CREBBP: variants seen among roughly 807,000 people sequenced by gnomAD.
The protein encoded by CREBBP is CREB binding lysine acetyltransferase, also known as CREB-binding protein.
Under a neutral mutation model 265.0 loss-of-function variants are expected in CREBBP, and 19 were observed. The observed-to-expected ratio is 0.07, with a 90% CI of 0.05 to 0.11. CREBBP has a LOEUF of 0.11. CREBBP is among the 10% of genes least tolerant of loss of function. CREBBP has a pLI of 1.00. For missense variants in CREBBP, 2,525 were observed against 3,219.0 expected (o/e 0.78, Z 5.22); for synonymous variants, 1,457 against 1,223.7 (o/e 1.19, Z -3.98).
intron 2 of CREBBP, among the ~76,000 whole-genome samples, chr16:3,827,092 C>G (rs2054251857): frequency 6.6e-6 from 1 of 151,846 alleles, no homozygotes; most frequent in Non-Finnish European, 1.5e-5. Context: ...GAATTCAAGG[C>G]TGTAGTACAC....
chr16:3,829,556 C>T (rs939115747), intron 2 of CREBBP, among the ~76,000 whole-genome samples: 1 of 152,148 alleles, frequency 6.6e-6, no homozygotes, highest in African/African-American at 2.4e-5. Context: ...GTCGGAGTTT[C>T]AAGATCTTGC....
Position 3,850,397 on chromosome 16 carries a change from C to T in CREBBP, c.698G>A (p.Gly233Asp), listed in dbSNP as rs1227837733. The T allele has an allele frequency of 6.2e-7, 1 of 1,614,136 alleles. No individual in the cohort carries two copies. The highest frequency in any genetic ancestry group is 1.3e-5 in the African/African-American group (1 of 74,950). The change falls in exon 2 of 31, where the codon GGC becomes GAC. Residue 233 changes from glycine (G) to aspartate (D), a missense_variant. This residue lies in a region of CREBBP where 356 missense variants were observed against 340.4 expected (regional missense o/e 1.05). Coordinates refer to ENST00000262367, the MANE Select transcript of CREBBP (RefSeq NM_004380.3). ...GMPYPTPAMQ[G>D]ASSSVLAETL... ...CTCAGCCAGCACGCTGCTCGAGGCG[C>T]CCTGCATGGCTGGAGTAGGGTACGG...
chr16:3,865,799 C>T (rs1005269723), intron 1 of CREBBP, among the ~76,000 whole-genome samples: 8 of 152,074 alleles, frequency 5.3e-5, no homozygotes, highest in Admixed American at 2.0e-4. Flanking sequence ...CCATCACACC[C>T]GGCTAATTTT....
At chr16:3,841,139 T>C (rs902568630) in intron 2 of CREBBP, 12 of 153,090 alleles carry the variant, frequency 7.8e-5, no homozygotes, top group African/African-American at 2.4e-4. Flanking sequence ...ATTTTTCTTG[T>C]ATCTTTTCCT....
At chr16:3,813,213 A>T (rs987643366) in intron 2 of CREBBP, 1 of 228,090 alleles carries the variant, frequency 4.4e-6, no homozygotes, top group Non-Finnish European at 8.7e-6. Flanking sequence ...TTCCCCATGT[A>T]GTCCTCCTAG....
intron 2 of CREBBP, among the ~76,000 whole-genome samples, chr16:3,813,311 C>T (rs1228714889): frequency 6.6e-6 from 1 of 152,218 alleles, no homozygotes; most frequent in Non-Finnish European, 1.5e-5. Context: ...AATTCTTCTG[C>T]AAGTCCACAA....
chr16:3,826,260 A>G (rs2054234861), intron 2 of CREBBP, among the ~76,000 whole-genome samples: 1 of 152,310 alleles, frequency 6.6e-6, no homozygotes, highest in East Asian at 1.9e-4. Flanking sequence ...AGACACTTTC[A>G]TTTATCCTGT....
At chr16:3,828,815 T>C (rs1859104112) in intron 2 of CREBBP, among the ~76,000 whole-genome samples, 1 of 152,216 alleles carries the variant, frequency 6.6e-6, no homozygotes, top group Admixed American at 6.5e-5. Context: ...TGGTTCAGAA[T>C]ATTTTACTCC....
rs1350482416 is a variant in CREBBP, at chr16:3,745,325, T to C, written c.3866A>G (p.Lys1289Arg). The C allele has an allele frequency of 6.2e-7, 1 of 1,614,102 alleles. No homozygotes were observed. The highest frequency in any genetic ancestry group is 8.5e-7 in the Non-Finnish European group (1 of 1,179,994). ...GTGCAGAACGCAAATCTGATGCATC[T>C]TCCGGCCACACTCCTTGCAATCAAC... ...PFVDCKECGR[K>R]MHQICVLHYD... is the part of the protein sequence containing the mutation. The change falls in exon 22 of 31, where the codon AAG becomes AGG. Residue 1289 changes from lysine to arginine, a missense_variant. Physicochemically the swap from Lys to Arg is conservative, Grantham distance 26. Transcript: ENST00000262367.
intron 16 of CREBBP, among the ~76,000 whole-genome samples, chr16:3,760,223 C>G (rs764303305): frequency 6.8e-4 from 104 of 151,968 alleles, no homozygotes; most frequent in African/African-American, 2.2e-3. Flanking sequence ...TCAGGAGTAA[C>G]TGGGACTACA....
chr16:3,823,196 C>G (rs1338607866), intron 2 of CREBBP, among the ~76,000 whole-genome samples: 1 of 152,276 alleles, frequency 6.6e-6, no homozygotes, highest in African/African-American at 2.4e-5. Flanking sequence ...ATTCTCTATA[C>G]AAAGCATTAT....
At chr16:3,808,156 A>T (rs893120316) in intron 3 of CREBBP, among the ~76,000 whole-genome samples, 1 of 29,676 alleles carries the variant, frequency 3.4e-5, no homozygotes, top group African/African-American at 1.2e-4. Context: ...GGATGAAAGA[A>T]GGGGGGGGCA....
intron 14 of CREBBP, 128 bp from the exon 15 acceptor site, chr16:3,769,481 G>A: frequency 8.5e-7 from 1 of 1,176,758 alleles, no homozygotes; most frequent in Non-Finnish European, 1.2e-6. Flanking sequence ...GTGCCCTTCT[G>A]TGAAACCGAA....
chr16:3,756,060 A>G (rs2052579029), intron 19 of CREBBP, among the ~76,000 whole-genome samples: 1 of 152,186 alleles, frequency 6.6e-6, no homozygotes, highest in Non-Finnish European at 1.5e-5. Flanking sequence ...AAAACACATA[A>G]CCATAAAACT....
chr16:3,756,444 A>G (rs1384109440), intron 19 of CREBBP, among the ~76,000 whole-genome samples: 1 of 152,260 alleles, frequency 6.6e-6, no homozygotes, highest in Non-Finnish European at 1.5e-5. Context: ...ACAACAAAAA[A>G]TACTATTCTC....
intron 11 of CREBBP, 57 bp downstream of exon 11, chr16:3,777,556 A>C: frequency 1.3e-6 from 2 of 1,556,360 alleles, no homozygotes; most frequent in Non-Finnish European, 1.8e-6. Flanking sequence ...AAAACAGTGA[A>C]AGTTATGGCT....
intron 23 of CREBBP, chr16:3,741,191 A>G: frequency 6.0e-6 from 1 of 167,664 alleles, no homozygotes; most frequent in East Asian, 1.6e-4. Flanking sequence ...CGGGAGGGCT[A>G]CCGTCACAGG....
chr16:3,780,878 G>C lies in CREBBP; in HGVS notation c.1677C>G (p.Asn559Lys), dbSNP rs141730519. The C allele has an allele frequency of 1.2e-6, 2 of 1,613,314 alleles. No homozygotes were observed. The highest frequency in any genetic ancestry group is 3.7e-4 in the Middle Eastern group (2 of 5,384). Residue 559 changes from asparagine (N) to lysine (K), a missense_variant and splice_region_variant, in exon 8 of 31, where the codon AAC becomes AAG. Physicochemically the swap from Asn to Lys is moderately conservative, Grantham distance 94 (BLOSUM62 0). Around this residue, in one of 19 missense-constraint regions of CREBBP, gnomAD observed 144 missense variants for 134.0 expected, o/e 1.07. Transcript: ENST00000262367. ...SALPTSLGAT[N>K]PLMNDGSNSG... ...AGTTGGAGCCATCGTTCATCAGTGGGCTAAGGAGGAAATAAAGACACTTCA... is the reference window on the plus strand; with the variant it reads ...AGTTGGAGCCATCGTTCATCAGTGGCCTAAGGAGGAAATAAAGACACTTCA...
intron 2 of CREBBP, among the ~76,000 whole-genome samples, chr16:3,825,121 TTAC>T (rs2054213045): frequency 6.6e-6 from 1 of 152,202 alleles, no homozygotes; most frequent in African/African-American, 2.4e-5. Context: ...GCATGCATCC[TTAC>T]TACAATAATT....
Sources: allele counts gnomAD v4.1 joint callset (sites outside exome capture counted in the v4.1 genomes callset), GRCh38; gene constraint gnomAD v4.1.1; regional missense constraint gnomAD v4.1.1; transcripts MANE v1.5; gene names NCBI Gene and HGNC (gene_info 2026-07-23, HGNC 2026-07-21).